TMEM132D: variants seen among roughly 807,000 people sequenced by gnomAD.
The protein encoded by TMEM132D is mature OL transmembrane protein.
TMEM132D carries 21 observed loss-of-function variants against 62.3 expected under a neutral mutation model. The observed-to-expected ratio is 0.34, with a 90% confidence interval of 0.24 to 0.49. The LOEUF (loss-of-function observed/expected upper bound fraction) is 0.49. TMEM132D is among the 20% of genes least tolerant of loss of function. The pLI is 0.99. For synonymous variants in TMEM132D, 621 were observed against 575.6 expected, an observed-to-expected ratio of 1.08 and a Z score of -1.13; for missense variants, 1,346 against 1,402.8, an observed-to-expected ratio of 0.96 and a Z score of 0.65.
chr12:129,179,910 C>A (rs1878017346), intron 5 of TMEM132D, among the ~76,000 whole-genome samples: 2 of 152,032 alleles, frequency 1.3e-5, no homozygotes, highest in South Asian at 4.2e-4. Context: ...AGCCTGTAAT[C>A]CCAGCTACTC....
chr12:129,805,524 C>T (rs1039118672), intron 1 of TMEM132D, among the ~76,000 whole-genome samples: 1 of 152,122 alleles, frequency 6.6e-6, no homozygotes, highest in Non-Finnish European at 1.5e-5. Context: ...TTCCTTACAT[C>T]TTATACAAAA....
chr12:129,871,229 T>A (rs995960384), intron 1 of TMEM132D, among the ~76,000 whole-genome samples: 3 of 152,036 alleles, frequency 2.0e-5, no homozygotes, highest in Non-Finnish European at 2.9e-5. Flanking sequence ...CCCGTGAGAG[T>A]GAAGTCAGAA....
intron 5 of TMEM132D, among the ~76,000 whole-genome samples, chr12:129,199,798 T>A (rs1878648869): frequency 6.6e-6 from 1 of 152,112 alleles, no homozygotes; most frequent in Non-Finnish European, 1.5e-5. Flanking sequence ...TTATTCACTA[T>A]CATGAGAACA....
At chr12:129,370,595 A>G (rs966054462) in intron 3 of TMEM132D, among the ~76,000 whole-genome samples, 1 of 152,242 alleles carries the variant, frequency 6.6e-6, no homozygotes, top group Non-Finnish European at 1.5e-5. Context: ...CTTCATAAAG[A>G]CTTCTATTCA....
Position 129,827,102 on chromosome 12 carries a change from C to CA in TMEM132D, c.79+76158dup, listed in dbSNP as rs1872683134. Among the ~76,000 whole-genome samples, 1 of 152,142 alleles carries CA rather than the reference C, an allele frequency of 6.6e-6. No homozygotes were observed. Among genetic ancestry groups the CA allele is most frequent in the African/African-American group, 2.4e-5 (1 of 41,434 alleles). ...GATCATTATTTGGTGGTTCAGAAGGCAATTTAACATCTCATAACAATCACT... is the reference window on the plus strand; with the variant it reads ...GATCATTATTTGGTGGTTCAGAAGGCAAATTTAACATCTCATAACAATCACT... On this transcript the variant is annotated intron_variant, in intron 1 of 8. Transcript: ENST00000422113. The surrounding 1 kb of genome is among the most constrained non-coding windows in gnomAD (Gnocchi z 9.7).
chr12:129,876,814 C>G (rs1051758042), intron 1 of TMEM132D, among the ~76,000 whole-genome samples: 2 of 152,214 alleles, frequency 1.3e-5, no homozygotes, highest in Admixed American at 6.5e-5. Context: ...TCTCTCTCCT[C>G]TACTGGAATT....
intron 5 of TMEM132D, among the ~76,000 whole-genome samples, chr12:129,187,269 G>C (rs1359838962): frequency 6.6e-6 from 1 of 152,164 alleles, no homozygotes; most frequent in East Asian, 1.9e-4. Flanking sequence ...TTATATAAGA[G>C]GTAAATCAAC....
rs1410455849 is a variant in TMEM132D at position 129,154,713 on chromosome 12, CCTTTT to C, written c.1443+54802_1443+54806del. On this transcript the variant is annotated intron_variant, in intron 5 of 8. Transcript: ENST00000422113. ...AGCCATTTTTCTCAACCACTTGGTT[CCTTTT>C]CTTATTATATCTTTTTTATTTTTTA... 1.2e-4 allele frequency among the ~76,000 whole-genome samples: 19 copies of C among 152,212 alleles called. No individual in the cohort carries two copies. In the South Asian group the frequency reaches 3.7e-3, roughly 30 times the overall value.
At chr12:129,081,000 C>T (rs1874428816) in intron 7 of TMEM132D, among the ~76,000 whole-genome samples, 1 of 152,130 alleles carries the variant, frequency 6.6e-6, no homozygotes, top group African/African-American at 2.4e-5. Flanking sequence ...TTCAGGTTCT[C>T]ATCAGGCCCG....
chr12:129,376,290 T>A (rs1222749705), intron 3 of TMEM132D, among the ~76,000 whole-genome samples: 1 of 152,056 alleles, frequency 6.6e-6, no homozygotes, highest in Non-Finnish European at 1.5e-5. Flanking sequence ...TCAGCATGGT[T>A]GGGGAGGCTG....
intron 2 of TMEM132D, among the ~76,000 whole-genome samples, chr12:129,679,080 T>C (rs1880712987): frequency 3.9e-5 from 6 of 151,926 alleles, no homozygotes; most frequent in Admixed American, 3.9e-4. Flanking sequence ...AACAGCCCTT[T>C]GATCTTCATA....
chr12:129,223,625 TGCAGCA>T (rs1216385170), intron 4 of TMEM132D, among the ~76,000 whole-genome samples: 1 of 152,194 alleles, frequency 6.6e-6, no homozygotes, highest in Non-Finnish European at 1.5e-5. Flanking sequence ...TGGTTTCTTG[TGCAGCA>T]ATAGATAACT....
intron 4 of TMEM132D, among the ~76,000 whole-genome samples, chr12:129,244,368 A>T (rs1566009785): frequency 7.5e-6 from 1 of 132,698 alleles, no homozygotes; most frequent in Non-Finnish European, 1.6e-5. Flanking sequence ...CCTGGGCGAC[A>T]GAGCGAGACT....
intron 3 of TMEM132D, among the ~76,000 whole-genome samples, chr12:129,350,164 G>T (rs1289072172): frequency 6.6e-6 from 1 of 152,126 alleles, no homozygotes; most frequent in Non-Finnish European, 1.5e-5. Flanking sequence ...ATAATTTCAA[G>T]CTACAGATTT....
At position 129,421,564 on chromosome 12, in the gene TMEM132D, C is replaced by T. The variant is rs1253356143; in HGVS notation, c.1116-83747G>A. On this transcript the variant is annotated intron_variant, in intron 3 of 8. Transcript: ENST00000422113. ...CCCAACCCTTAGAAACAAGAACTAC[C>T]TATTTCAAAAGGTCCACAGTGCTGA... is the stretch of plus-strand genomic sequence containing the variant. Among the ~76,000 whole-genome samples, 3 of 152,164 alleles carry T rather than the reference C, an allele frequency of 2.0e-5. 1 individual carries two copies. The South Asian group carries it at 6.2e-4, about 32-fold the overall frequency.
At chr12:129,107,556 C>G (rs537388215) in intron 5 of TMEM132D, among the ~76,000 whole-genome samples, 1 of 152,266 alleles carries the variant, frequency 6.6e-6, no homozygotes, top group East Asian at 1.9e-4. Flanking sequence ...AAAGTTATAA[C>G]AAAGACAAAA....
rs1044328126 is a variant in TMEM132D at position 129,074,743 on chromosome 12, T to C, written c.2432A>G (p.His811Arg). ...TTCCATGTGAACCCCTGCCCCTGTG[T>C]GTCTGCTGTCACTGGTGTTGGGGTT... The part of the protein sequence containing the change: ...DANPNTSDSR[H>R]TGAGVHMENN... The change falls in exon 9 of 9, where the codon CAC becomes CGC. Residue 811 changes from histidine (H) to arginine (R), a missense_variant. His to Arg is a conservative substitution (Grantham distance 29). Transcript: ENST00000422113. 6.2e-7 allele frequency: 1 copy of C among 1,614,190 alleles called. No homozygotes were observed. The highest frequency in any genetic ancestry group is 8.5e-7 in the Non-Finnish European group (1 of 1,180,018).
At chr12:129,835,812 G>A (rs972422942) in intron 1 of TMEM132D, among the ~76,000 whole-genome samples, 1 of 152,122 alleles carries the variant, frequency 6.6e-6, no homozygotes, top group Non-Finnish European at 1.5e-5. Context: ...TACTCACTCT[G>A]AGCAGAAATG....
intron 2 of TMEM132D, among the ~76,000 whole-genome samples, chr12:129,656,159 T>A (rs1396688427): frequency 1.3e-5 from 2 of 151,784 alleles, no homozygotes; most frequent in Non-Finnish European, 2.9e-5. Flanking sequence ...TGCCCTATGA[T>A]AAGATTTATC....
Sources: allele counts gnomAD v4.1 joint callset (sites outside exome capture counted in the v4.1 genomes callset), GRCh38; gene constraint gnomAD v4.1.1; non-coding constraint Gnocchi (gnomAD v3.1); transcripts MANE v1.5; gene names NCBI Gene and HGNC (gene_info 2026-07-23, HGNC 2026-07-21).